KAZN: variants seen among roughly 807,000 people sequenced by gnomAD.
KAZN encodes kazrin.
Under a neutral mutation model 87.4 loss-of-function variants are expected in KAZN, and 40 were observed. The observed-to-expected ratio is 0.46, with a 90% CI of 0.36 to 0.60. The LOEUF (loss-of-function observed/expected upper bound fraction) is 0.60. Among genes scored for constraint, KAZN ranks in the 20% least tolerant of loss-of-function variants. The probability of loss-of-function intolerance (pLI) is 0.00; values close to 1 mark genes in which losing one functional copy is unlikely to be tolerated. For missense variants in KAZN, 898 were observed against 1,073.9 expected, an observed-to-expected ratio of 0.84 and a Z score of 2.29; for synonymous variants, 466 against 458.3, an observed-to-expected ratio of 1.02 and a Z score of -0.22.
chr1:14,942,510 G>T (rs1364129164), intron 1 of KAZN, among the ~76,000 whole-genome samples: 2 of 152,222 alleles, frequency 1.3e-5, no homozygotes, highest in Admixed American at 1.3e-4. Flanking sequence ...CTTTATTCAA[G>T]CTGCGCACTT....
chr1:14,166,632 A>T (rs1174039581), intron 1 of KAZN, among the ~76,000 whole-genome samples: 1 of 152,174 alleles, frequency 6.6e-6, no homozygotes, highest in Non-Finnish European at 1.5e-5. Flanking sequence ...AGTAAATAAA[A>T]GTTATTGGTA....
intron 2 of KAZN, among the ~76,000 whole-genome samples, chr1:14,448,558 G>T (rs1667106846): frequency 6.6e-6 from 1 of 152,192 alleles, no homozygotes; most frequent in African/African-American, 2.4e-5. Context: ...GGCTCTGGAT[G>T]CCACTGGCTT....
chr1:14,180,530 A>G, exon 2 of KAZN: 1 of 1,550,298 alleles, frequency 6.5e-7, no homozygotes. Context: ...TTTTCTACCC[A>G]CTGAGAAGGA....
chr1:14,753,309 T>C, intron 1 of KAZN, among the ~76,000 whole-genome samples: 1 of 152,182 alleles, frequency 6.6e-6, no homozygotes, highest in East Asian at 1.9e-4. Context: ...GCACCTCCTG[T>C]TTATGAGGAG....
Position 14,334,094 on chromosome 1 carries a change from G to A in KAZN, c.249+153502G>A, listed in dbSNP as rs907414249. On this transcript the variant is annotated intron_variant, in intron 2 of 16. Coordinates refer to the KAZN transcript ENST00000636203. The stretch of plus-strand genomic sequence containing the variant: ...TGGGAAGTCGGCCAGCCCAGGCAAG[G>A]TTGGCTCATGCCTGTAATCCTAGCA... 1.4e-4 allele frequency among the ~76,000 whole-genome samples: 21 copies of A among 151,750 alleles called. 1 individual carries two copies. The highest frequency in any genetic ancestry group is 1.5e-5 in the Non-Finnish European group (1 of 67,926).
intron 1 of KAZN, among the ~76,000 whole-genome samples, chr1:13,947,324 G>A (rs534579605): frequency 6.6e-5 from 10 of 152,166 alleles, no homozygotes; most frequent in Non-Finnish European, 1.2e-4. Flanking sequence ...AGGGTCACTC[G>A]GGTAGCAAGA....
chr1:14,886,012 C>T (rs1034954526), intron 1 of KAZN, among the ~76,000 whole-genome samples: 2 of 152,022 alleles, frequency 1.3e-5, no homozygotes, highest in Non-Finnish European at 2.9e-5. Context: ...ATGCCAGTAA[C>T]ACCCCCCGCC....
intron 2 of KAZN, among the ~76,000 whole-genome samples, chr1:14,423,559 G>A (rs1008882632): frequency 3.3e-5 from 5 of 152,106 alleles, no homozygotes; most frequent in African/African-American, 9.7e-5. Context: ...TGCAATAGCC[G>A]TGATAATACC....
intron 2 of KAZN, among the ~76,000 whole-genome samples, chr1:14,361,440 C>T (rs1659503269): frequency 6.6e-6 from 1 of 152,204 alleles, no homozygotes; most frequent in Non-Finnish European, 1.5e-5. Flanking sequence ...CTTCAGCCCC[C>T]TCTTCCAGAG....
intron 13 of KAZN, chr1:15,112,140 T>G (rs1211531940): frequency 1.1e-5 from 5 of 471,942 alleles, no homozygotes; most frequent in Non-Finnish European, 1.9e-5. Context: ...CAGATCTTGA[T>G]TCTGCCGCTA....
chr1:14,917,121 A>G (rs1335149689), intron 1 of KAZN, among the ~76,000 whole-genome samples: 1 of 152,014 alleles, frequency 6.6e-6, no homozygotes, highest in East Asian at 1.9e-4. Flanking sequence ...ACCTGGGAAA[A>G]CCATCAAAGG....
chr1:15,017,910 A>G (rs1310813897), intron 2 of KAZN, among the ~76,000 whole-genome samples: 1 of 152,098 alleles, frequency 6.6e-6, no homozygotes, highest in Non-Finnish European at 1.5e-5. Context: ...AAAACTGGCT[A>G]CTCCTAAGAG....
chr1:14,543,048 T>C (rs908747825), intron 2 of KAZN, among the ~76,000 whole-genome samples: 2 of 152,090 alleles, frequency 1.3e-5, no homozygotes, highest in Non-Finnish European at 2.9e-5. Flanking sequence ...GGCTGGCCAA[T>C]AGCAGGATGA....
intron 2 of KAZN, among the ~76,000 whole-genome samples, chr1:14,312,407 T>C (rs1232682424): frequency 3.3e-5 from 5 of 152,134 alleles, no homozygotes; most frequent in Admixed American, 2.6e-4. Context: ...ACTTAATAGA[T>C]ACAACCATTC....
At chr1:15,110,260 TG>T (rs1358183692) in intron 13 of KAZN, among the ~76,000 whole-genome samples, 18 of 610 alleles carry the variant, frequency 0.03, no homozygotes, top group South Asian at 0.2. Context: ...TATGTGCACT[TG>T]TGTGTGTATA....
chr1:14,186,107 G>C (rs1646301405), intron 2 of KAZN, among the ~76,000 whole-genome samples: 1 of 152,126 alleles, frequency 6.6e-6, no homozygotes, highest in Non-Finnish European at 1.5e-5. Context: ...GACAATTTGG[G>C]AATTTGTTGG....
At chr1:14,913,755 G>A (rs1422101528) in intron 1 of KAZN, among the ~76,000 whole-genome samples, 1 of 152,254 alleles carries the variant, frequency 6.6e-6, no homozygotes, top group Non-Finnish European at 1.5e-5. Flanking sequence ...TTGAGTTGGA[G>A]AAGCTAGGAG....
intron 1 of KAZN, among the ~76,000 whole-genome samples, chr1:14,149,661 C>G (rs1397004984): frequency 6.6e-6 from 1 of 152,190 alleles, no homozygotes; most frequent in Non-Finnish European, 1.5e-5. Flanking sequence ...GAGCTGCTGA[C>G]AGCCTCCTTG....
chr1:14,787,993 C>G (rs1645560038), intron 1 of KAZN, among the ~76,000 whole-genome samples: 1 of 152,214 alleles, frequency 6.6e-6, no homozygotes, highest in Non-Finnish European at 1.5e-5. Flanking sequence ...AGAGCCGCTG[C>G]ACAGGAATGG....
Sources: allele counts gnomAD v4.1 joint callset (sites outside exome capture counted in the v4.1 genomes callset), GRCh38; gene constraint gnomAD v4.1.1; transcripts MANE v1.5; gene names NCBI Gene and HGNC (gene_info 2026-07-23, HGNC 2026-07-21).